The following ZC3H12D variants were observed in gnomAD, a reference collection of about 807,000 sequenced individuals.
The protein encoded by ZC3H12D is zinc finger CCCH-type containing 12D.
Under a neutral mutation model 24.2 loss-of-function variants are expected in ZC3H12D, and 11 were observed. The observed-to-expected ratio is 0.46, with a 90% CI of 0.29 to 0.75. The LOEUF (loss-of-function observed/expected upper bound fraction) is 0.75. ZC3H12D is among the 30% of genes least tolerant of loss of function. The pLI is 0.11. For synonymous variants in ZC3H12D, 333 were observed against 341.8 expected, an observed-to-expected ratio of 0.97 and a Z score of 0.28; for missense variants, 740 against 767.7, an observed-to-expected ratio of 0.96 and a Z score of 0.43.
intron 4 of ZC3H12D, among the ~76,000 whole-genome samples, chr6:149,453,298 T>TAA (rs59885086): frequency 0.012 from 1,705 of 146,552 alleles, 34 homozygotes; most frequent in African/African-American, 0.04. Context: ...AGATCCTGGC[T>TAA]AAAAAAAAAA....
intron 4 of ZC3H12D, among the ~76,000 whole-genome samples, chr6:149,455,954 TAA>T (rs368705273): frequency 2.8e-5 from 4 of 141,858 alleles, no homozygotes; most frequent in Admixed American, 1.4e-4. Flanking sequence ...AATTTTGATT[TAA>T]AAAAAAAAAA....
chr6:149,456,905 G>A lies in ZC3H12D; in HGVS notation c.446-5C>T. On this transcript the variant is annotated splice_region_variant and splice_polypyrimidine_tract_variant and intron_variant, in intron 3 of 5. Coordinates refer to ENST00000409806, the MANE Select transcript of ZC3H12D (RefSeq NM_207360.3). The surrounding 1 kb of genome is among the most constrained non-coding windows in gnomAD (Gnocchi z 4.3). ...GCTCCGCCAGCACGTGCTGCTCTGA[G>A]GGCGGGGCGACGGAGACGCGGGTGA... 1.3e-6 allele frequency: 2 copies of A among 1,593,184 alleles called. No homozygotes were observed. Among genetic ancestry groups the A allele is most frequent in the Non-Finnish European group, 8.5e-7 (1 of 1,173,310 alleles).
intron 2 of ZC3H12D, among the ~76,000 whole-genome samples, chr6:149,470,988 G>T (rs1474285784): frequency 6.6e-6 from 1 of 152,192 alleles, no homozygotes. Context: ...TACAGCAAGA[G>T]GTCCAGCAAA....
intron 4 of ZC3H12D, among the ~76,000 whole-genome samples, chr6:149,455,420 G>A (rs1312182782): frequency 6.6e-6 from 1 of 152,194 alleles, no homozygotes; most frequent in Non-Finnish European, 1.5e-5. Context: ...CAAAAAGTCA[G>A]TCAGAGAGCC....
chr6:149,467,335 C>T (rs139601489), intron 2 of ZC3H12D, among the ~76,000 whole-genome samples: 69 of 152,228 alleles, frequency 4.5e-4, no homozygotes, highest in African/African-American at 1.5e-3. Flanking sequence ...TCACAGTAGC[C>T]TCAACCTCTC....
At chr6:149,454,546 C>T (rs965184146) in intron 4 of ZC3H12D, among the ~76,000 whole-genome samples, 11 of 152,216 alleles carry the variant, frequency 7.2e-5, no homozygotes, top group Admixed American at 5.9e-4. Flanking sequence ...GGTTATTAAA[C>T]GTTCCCAAAG....
At chr6:149,468,214 C>CA (rs200325416) in intron 2 of ZC3H12D, among the ~76,000 whole-genome samples, 2,812 of 152,284 alleles carry the variant, frequency 0.018, 91 homozygotes, top group African/African-American at 0.065. Flanking sequence ...CTCCTGACCT[C>CA]AGGTGATTCG....
chr6:149,476,533 C>A (rs936732729), intron 1 of ZC3H12D, among the ~76,000 whole-genome samples: 5 of 151,906 alleles, frequency 3.3e-5, no homozygotes, highest in African/African-American at 1.2e-4. Flanking sequence ...TTTGGCTGGG[C>A]ATGGTGGCTC....
chr6:149,469,331 A>G (rs956733408), intron 2 of ZC3H12D, among the ~76,000 whole-genome samples: 2 of 152,022 alleles, frequency 1.3e-5, no homozygotes, highest in Non-Finnish European at 2.9e-5. Context: ...GGTGGCGGGC[A>G]CCTGTAGTCC....
At chr6:149,455,370 G>A (rs776114175) in intron 4 of ZC3H12D, among the ~76,000 whole-genome samples, 1 of 152,152 alleles carries the variant, frequency 6.6e-6, no homozygotes, top group Non-Finnish European at 1.5e-5. Flanking sequence ...ATACAGTCCC[G>A]GCCCTCACAG....
At chr6:149,459,087 A>G (rs1032908643) in intron 3 of ZC3H12D, among the ~76,000 whole-genome samples, 3 of 151,244 alleles carry the variant, frequency 2.0e-5, no homozygotes, top group African/African-American at 7.3e-5. Flanking sequence ...TTTTTGTGGT[A>G]TCTGTTAATG....
At chr6:149,465,530 G>A (rs1776143876) in intron 2 of ZC3H12D, among the ~76,000 whole-genome samples, 1 of 152,026 alleles carries the variant, frequency 6.6e-6, no homozygotes, top group Non-Finnish European at 1.5e-5. Flanking sequence ...CAAGGAGAAA[G>A]GATCACGAGG....
At chr6:149,465,096 G>A (rs1213597612) in intron 2 of ZC3H12D, among the ~76,000 whole-genome samples, 1 of 152,374 alleles carries the variant, frequency 6.6e-6, no homozygotes, top group Non-Finnish European at 1.5e-5. Flanking sequence ...GCTCATGCCT[G>A]TAATCCCAGC....
chr6:149,467,382 C>T (rs934871498), intron 2 of ZC3H12D, among the ~76,000 whole-genome samples: 5 of 152,042 alleles, frequency 3.3e-5, no homozygotes, highest in Admixed American at 1.3e-4. Context: ...CCTCCCAAGT[C>T]GCTGGGACTA....
At chr6:149,482,837 C>T (rs1173136115) in intron 1 of ZC3H12D, among the ~76,000 whole-genome samples, 3 of 152,260 alleles carry the variant, frequency 2.0e-5, no homozygotes, top group East Asian at 1.9e-4. Flanking sequence ...AGGCAAAGAG[C>T]GGCTTTGGTG....
intron 2 of ZC3H12D, among the ~76,000 whole-genome samples, chr6:149,468,764 G>T (rs1035369751): frequency 6.6e-6 from 1 of 152,074 alleles, no homozygotes; most frequent in African/African-American, 2.4e-5. Context: ...ACAGAGTCAG[G>T]GTCTCAGAAG....
At chr6:149,478,116 G>A (rs1042940979) in intron 1 of ZC3H12D, among the ~76,000 whole-genome samples, 6 of 149,712 alleles carry the variant, frequency 4.0e-5, no homozygotes, top group Non-Finnish European at 5.9e-5. Flanking sequence ...GTGGTAAGCC[G>A]GGATCATGCC....
chr6:149,480,469 T>C (rs1354033469), intron 1 of ZC3H12D, among the ~76,000 whole-genome samples: 7 of 152,098 alleles, frequency 4.6e-5, no homozygotes, highest in Admixed American at 1.3e-4. Flanking sequence ...AAGAGAACAA[T>C]AGATACCAGA....
chr6:149,472,612 T>C (rs1344752836), intron 2 of ZC3H12D, among the ~76,000 whole-genome samples: 1 of 152,088 alleles, frequency 6.6e-6, no homozygotes, highest in Non-Finnish European at 1.5e-5. Context: ...AAACAGAGGA[T>C]GTGGCTTAAG....
Sources: gnomAD v4.1 joint callset for allele counts (sites outside exome capture counted in the v4.1 genomes callset) on GRCh38, gnomAD v4.1.1 for gene constraint, Gnocchi (gnomAD v3.1) non-coding constraint, MANE v1.5 for transcripts, NCBI Gene and HGNC (gene_info 2026-07-23, HGNC 2026-07-21) for gene names.